Variants in TNIK observed in about 807,000 individuals in gnomAD.
The protein encoded by TNIK is TRAF2 and NCK-interacting protein kinase.
A neutral mutation model predicts 191.3 loss-of-function variants in TNIK; 49 were observed. The observed-to-expected ratio is 0.26, with a 90% CI of 0.20 to 0.32. TNIK has a LOEUF of 0.32. TNIK is among the 10% of genes least tolerant of loss of function. The pLI, the probability that TNIK is intolerant of heterozygous loss-of-function variation, is 1.00. For synonymous variants in TNIK, 594 were observed against 600.9 expected (o/e 0.99, Z 0.17); for missense variants, 1,155 against 1,702.3 (o/e 0.68, Z 5.66).
At chr3:171,104,089 T>TTGC (rs1724198868) in intron 21 of TNIK, among the ~76,000 whole-genome samples, 1 of 3,280 alleles carries the variant, frequency 3.0e-4, no homozygotes, top group African/African-American at 2.8e-3. Context: ...AAATTTTCAA[T>TTGC]TAACAGTTTG....
Position 171,066,265 on chromosome 3 carries a change from C to T in TNIK, c.3921G>A (p.Val1307=). 6.2e-7 allele frequency: 1 copy of T among 1,613,950 alleles called. No individual in the cohort carries two copies. Among genetic ancestry groups the T allele is most frequent in the Non-Finnish European group, 8.5e-7 (1 of 1,179,878 alleles). Residue 1307 remains valine (V), a synonymous_variant, in exon 32 of 33, where the codon GTG becomes GTA. Transcript: ENST00000436636. The part of the protein sequence containing the change: ...WGEKAIEIRS[V]ETGHLDGVFM... Reference sequence around the variant, plus strand: ...ATACTCCATCCAAATGTCCTGTTTCCACTGACCGGATCTCAATAGCTTTCT... The same window carrying T: ...ATACTCCATCCAAATGTCCTGTTTCTACTGACCGGATCTCAATAGCTTTCT...
intron 4 of TNIK, among the ~76,000 whole-genome samples, chr3:171,195,526 T>C (rs572739422): frequency 1.6e-4 from 25 of 152,300 alleles, no homozygotes; most frequent in African/African-American, 5.5e-4. Flanking sequence ...TAAAACCACA[T>C]TGATGGCTTT....
chr3:171,341,853 A>G (rs1000123644), intron 2 of TNIK, among the ~76,000 whole-genome samples: 3 of 152,204 alleles, frequency 2.0e-5, no homozygotes, highest in Non-Finnish European at 4.4e-5. Context: ...ATCCCAACAG[A>G]GATCTCCTGA....
chr3:171,121,901 T>C (rs6767021), intron 18 of TNIK, among the ~76,000 whole-genome samples: 30,141 of 151,894 alleles, frequency 0.2, 3,487 homozygotes, highest in East Asian at 0.49. Context: ...CCCCAATCTC[T>C]GTCTTTCATT....
intron 7 of TNIK, among the ~76,000 whole-genome samples, chr3:171,183,387 A>T (rs1736916231): frequency 6.6e-6 from 1 of 152,238 alleles, no homozygotes; most frequent in Admixed American, 6.5e-5. Context: ...CAGCCAGCAT[A>T]CTGTATCACA....
chr3:171,264,293 A>G (rs1480298622), intron 2 of TNIK, among the ~76,000 whole-genome samples: 1 of 150,418 alleles, frequency 6.6e-6, no homozygotes, highest in East Asian at 2.0e-4. Flanking sequence ...TTTATACATC[A>G]TTGCATATAG....
At chr3:171,179,501 G>T (rs976489807) in intron 7 of TNIK, among the ~76,000 whole-genome samples, 1 of 152,082 alleles carries the variant, frequency 6.6e-6, no homozygotes, top group South Asian at 2.1e-4. Flanking sequence ...GCCCAGGCTG[G>T]AGTGCAGTGG....
At chr3:171,307,236 T>C (rs2108289140) in intron 2 of TNIK, among the ~76,000 whole-genome samples, 1 of 152,238 alleles carries the variant, frequency 6.6e-6, no homozygotes, top group Non-Finnish European at 1.5e-5. Flanking sequence ...TGCCATTCTG[T>C]GCTACCACTC....
chr3:171,091,515 G>T (rs906283170), intron 23 of TNIK, among the ~76,000 whole-genome samples: 1 of 152,096 alleles, frequency 6.6e-6, no homozygotes, highest in African/African-American at 2.4e-5. Context: ...GGTCAAGGCG[G>T]GCAGATTGCC....
intron 7 of TNIK, among the ~76,000 whole-genome samples, chr3:171,181,734 C>T (rs1736669285): frequency 6.6e-6 from 1 of 152,164 alleles, no homozygotes; most frequent in Non-Finnish European, 1.5e-5. Flanking sequence ...ACTAATGATG[C>T]CAGCACAGAA....
intron 12 of TNIK, among the ~76,000 whole-genome samples, chr3:171,143,166 T>C (rs1576948103): frequency 6.6e-6 from 1 of 152,348 alleles, no homozygotes; most frequent in South Asian, 2.1e-4. Flanking sequence ...GCCAGGGCTT[T>C]GGTTCCTGTG....
At chr3:171,437,587 C>T (rs981443125) in intron 1 of TNIK, among the ~76,000 whole-genome samples, 1 of 152,214 alleles carries the variant, frequency 6.6e-6, no homozygotes, top group African/African-American at 2.4e-5. Context: ...TGAAGAACAG[C>T]TCATCCTCTC....
At chr3:171,154,136 A>C (rs1212242162) in intron 12 of TNIK, among the ~76,000 whole-genome samples, 1 of 151,488 alleles carries the variant, frequency 6.6e-6, no homozygotes, top group Non-Finnish European at 1.5e-5. Context: ...CATCCTTGAA[A>C]GCCTCAGTCA....
intron 4 of TNIK, among the ~76,000 whole-genome samples, chr3:171,209,598 T>A (rs1253128224): frequency 6.6e-6 from 1 of 152,162 alleles, no homozygotes; most frequent in African/African-American, 2.4e-5. Flanking sequence ...TACTTTTATA[T>A]GTTGAATCTT....
At chr3:171,429,089 C>T (rs1725013942) in intron 1 of TNIK, among the ~76,000 whole-genome samples, 1 of 152,042 alleles carries the variant, frequency 6.6e-6, no homozygotes, top group Non-Finnish European at 1.5e-5. Context: ...GCTTTAGATC[C>T]ACAACCACGA....
At chr3:171,251,448 A>G (rs13089385) in intron 2 of TNIK, among the ~76,000 whole-genome samples, 21,185 of 152,142 alleles carry the variant, frequency 0.14, 1,884 homozygotes, top group Non-Finnish European at 0.19. Context: ...GTACTGCCAT[A>G]ATAGTTATCA....
At chr3:171,365,739 C>A (rs1392151589) in intron 2 of TNIK, among the ~76,000 whole-genome samples, 1 of 152,148 alleles carries the variant, frequency 6.6e-6, no homozygotes, top group Non-Finnish European at 1.5e-5. Context: ...TTATAGCATG[C>A]TGGAAATATA....
chr3:171,370,753 A>G (rs1716381919), intron 1 of TNIK, among the ~76,000 whole-genome samples: 1 of 152,208 alleles, frequency 6.6e-6, no homozygotes, highest in Non-Finnish European at 1.5e-5. Flanking sequence ...TTGTCAACAT[A>G]TGAGCACAAT....
chr3:171,377,259 T>G (rs1717388760), intron 1 of TNIK, among the ~76,000 whole-genome samples: 1 of 152,226 alleles, frequency 6.6e-6, no homozygotes, highest in African/African-American at 2.4e-5. Flanking sequence ...GCTTCCAGTT[T>G]GGCTTTCATC....
Sources: allele counts gnomAD v4.1 joint callset (sites outside exome capture counted in the v4.1 genomes callset), GRCh38; gene constraint gnomAD v4.1.1; transcripts MANE v1.5; gene names NCBI Gene and HGNC (gene_info 2026-07-23, HGNC 2026-07-21).